Variants in BTBD16 observed in about 807,000 individuals in gnomAD.
The protein encoded by BTBD16 is BTB/POZ domain-containing protein 16.
A neutral mutation model predicts 67.4 loss-of-function variants in BTBD16; 66 were observed. That is an observed-to-expected ratio of 0.98 (90% confidence interval 0.80 to 1.20). BTBD16 has a LOEUF of 1.20. Among genes scored for constraint, BTBD16 ranks in the 50% most tolerant of loss-of-function variants. The pLI, the probability that BTBD16 is intolerant of heterozygous loss-of-function variation, is 0.00. For missense variants in BTBD16, 634 were observed against 616.0 expected (o/e 1.03, Z -0.31); for synonymous variants, 242 against 236.4 (o/e 1.02, Z -0.22).
rs925081060 is a variant in BTBD16, at chr10:122,338,094, A to G, written c.*9A>G. 5 of 1,581,840 alleles carry G rather than the reference A, an allele frequency of 3.2e-6. No individual in the cohort carries two copies. Among genetic ancestry groups the G allele is most frequent in the Non-Finnish European group, 4.3e-6 (5 of 1,150,816 alleles). On this transcript the variant is annotated 3_prime_UTR_variant, in exon 16 of 16. Coordinates refer to ENST00000260723, the MANE Select transcript of BTBD16 (RefSeq NM_144587.5). ...TCTTCCCAGCATCTTGACAGTTTCC[A>G]GAAGAATCTATGGGATTTTCCCCCC... is the stretch of plus-strand genomic sequence containing the variant.
chr10:122,295,189 T>A (rs1430913442), intron 7 of BTBD16: 1 of 484,540 alleles, frequency 2.1e-6, no homozygotes, highest in Non-Finnish European at 2.7e-6. Flanking sequence ...AGGAACCAGG[T>A]AGAAGAAGGA....
intron 1 of BTBD16, among the ~76,000 whole-genome samples, chr10:122,271,767 A>G (rs912484439): frequency 3.9e-5 from 6 of 152,144 alleles, no homozygotes; most frequent in Non-Finnish European, 5.9e-5. Flanking sequence ...GGTGGGATGA[A>G]AAAAGAACAC....
intron 1 of BTBD16, among the ~76,000 whole-genome samples, chr10:122,274,351 C>T (rs757995000): frequency 3.9e-5 from 6 of 152,198 alleles, no homozygotes; most frequent in Admixed American, 6.5e-5. Context: ...CTGGAGGCAG[C>T]GCCTGACAAC....
At chr10:122,305,369 A>G (rs931337533) in intron 9 of BTBD16, among the ~76,000 whole-genome samples, 1 of 152,186 alleles carries the variant, frequency 6.6e-6, no homozygotes, top group African/African-American at 2.4e-5. Flanking sequence ...TGATTGGATC[A>G]TGGTGGTGGA....
rs767275051 is a variant in BTBD16, at chr10:122,291,159, C to T, written c.555C>T (p.Ser185=). 35 of 1,613,662 alleles carry T rather than the reference C, an allele frequency of 2.2e-5. No individual in the cohort carries two copies. The highest frequency in any genetic ancestry group is 1.2e-4 in the Admixed American group (7 of 59,942). The stretch of plus-strand genomic sequence containing the variant: ...AAGACCTACTGGGAGTGCTGGCTTC[C>T]GCCCACATCCTCCAGTTCAGTGGCC... The part of the protein sequence containing the change: ...NLEDLLGVLA[S]AHILQFSGLF... The change falls in exon 7 of 16, where the codon TCC becomes TCT. Residue 185 remains serine, a synonymous_variant. Transcript: ENST00000260723.
chr10:122,307,307 A>T lies in BTBD16; in HGVS notation c.910A>T (p.Ser304Cys), dbSNP rs1302192276. 2 of 1,605,064 alleles carry T rather than the reference A, an allele frequency of 1.2e-6. No homozygotes were observed. Among genetic ancestry groups the T allele is most frequent in the Admixed American group, 3.5e-5 (2 of 57,874 alleles). The change falls in exon 10 of 16, where the codon AGC becomes TGC. Residue 304 changes from serine to cysteine, a missense_variant and splice_region_variant. Physicochemically the swap from Ser to Cys is moderately radical, Grantham distance 112. Transcript: ENST00000260723. ...TGAAACCGTGATGACATTTTTTAAG[A>T]GGTAATATAACTTAGTGTTGATTGA... The part of the protein sequence containing the change: ...TYETVMTFFK[S>C]FPENCCFLDR...
Position 122,300,613 on chromosome 10 carries a change from T to G in BTBD16, c.791+1479T>G, listed in dbSNP as rs534571256. Among the ~76,000 whole-genome samples the G allele has an allele frequency of 2.6e-5, 4 of 152,332 alleles. No homozygotes were observed. The South Asian group carries it at 8.3e-4, about 32-fold the overall frequency. On this transcript the variant is annotated intron_variant, in intron 9 of 15. Transcript: ENST00000260723. ...ATATAACTATAGTGCAGTTATCAAC[T>G]TTAAGAAATTTACATTGATGTAATA...
chr10:122,300,383 A>G (rs1199955027), intron 9 of BTBD16, among the ~76,000 whole-genome samples: 1 of 152,164 alleles, frequency 6.6e-6, no homozygotes, highest in Non-Finnish European at 1.5e-5. Flanking sequence ...AATAATGCAT[A>G]AAATATATAG....
intron 4 of BTBD16, among the ~76,000 whole-genome samples, chr10:122,284,776 T>A (rs2096360338): frequency 6.6e-6 from 1 of 151,904 alleles, no homozygotes; most frequent in South Asian, 2.1e-4. Context: ...TAAATTCTTT[T>A]CTCTCCTTCA....
chr10:122,337,724 C>G (rs986444782), intron 15 of BTBD16, among the ~76,000 whole-genome samples: 3 of 152,188 alleles, frequency 2.0e-5, no homozygotes, highest in African/African-American at 7.2e-5. Flanking sequence ...CTCGGCCTCC[C>G]AAAGTGCTGG....
intron 9 of BTBD16, among the ~76,000 whole-genome samples, chr10:122,304,717 A>C (rs1165913166): frequency 6.6e-6 from 1 of 151,648 alleles, no homozygotes; most frequent in Non-Finnish European, 1.5e-5. Flanking sequence ...CCATGCCCGG[A>C]TAATTTTTTG....
chr10:122,302,942 T>C (rs1249831086), intron 9 of BTBD16, among the ~76,000 whole-genome samples: 1 of 152,168 alleles, frequency 6.6e-6, no homozygotes, highest in Non-Finnish European at 1.5e-5. Context: ...CCTGTGGTCA[T>C]TACCAGCTCA....
intron 10 of BTBD16, among the ~76,000 whole-genome samples, chr10:122,319,219 T>A (rs2096431445): frequency 6.6e-6 from 1 of 152,170 alleles, no homozygotes; most frequent in Non-Finnish European, 1.5e-5. Context: ...ATATCAGAAG[T>A]TTTTTATTTT....
chr10:122,303,300 C>T (rs886654524), intron 9 of BTBD16, among the ~76,000 whole-genome samples: 1 of 152,136 alleles, frequency 6.6e-6, no homozygotes, highest in East Asian at 1.9e-4. Flanking sequence ...TTACTCTTAC[C>T]ACATGAATAA....
chr10:122,294,966 C>T (rs957626793), intron 7 of BTBD16, among the ~76,000 whole-genome samples: 13 of 152,236 alleles, frequency 8.5e-5, no homozygotes, highest in Admixed American at 3.9e-4. Context: ...GGGTGGGGCC[C>T]GAGCCTCCTG....
At chr10:122,328,078 T>A (rs1254431749) in intron 10 of BTBD16, among the ~76,000 whole-genome samples, 1 of 152,206 alleles carries the variant, frequency 6.6e-6, no homozygotes, top group Non-Finnish European at 1.5e-5. Context: ...TGGAACCTGC[T>A]GCCCAGCCAT....
At chr10:122,317,911 A>G (rs1281853376) in intron 10 of BTBD16, among the ~76,000 whole-genome samples, 1 of 152,198 alleles carries the variant, frequency 6.6e-6, no homozygotes, top group Non-Finnish European at 1.5e-5. Flanking sequence ...GGAAAACACT[A>G]TAAAATAAAG....
intron 4 of BTBD16, among the ~76,000 whole-genome samples, chr10:122,284,538 C>T (rs1471650060): frequency 6.6e-6 from 1 of 152,128 alleles, no homozygotes; most frequent in Non-Finnish European, 1.5e-5. Context: ...GGGCTCTAAC[C>T]AGTCATGACT....
chr10:122,320,409 T>C (rs947369531), intron 10 of BTBD16, among the ~76,000 whole-genome samples: 1 of 152,140 alleles, frequency 6.6e-6, no homozygotes. Context: ...CAGGAATAGA[T>C]GTTTTATTTT....
Sources: gnomAD v4.1 joint callset for allele counts (sites outside exome capture counted in the v4.1 genomes callset) on GRCh38, gnomAD v4.1.1 for gene constraint, MANE v1.5 for transcripts, NCBI Gene and HGNC (gene_info 2026-07-23, HGNC 2026-07-21) for gene names.